The following ADAM22 variants were observed in gnomAD, a reference collection of about 807,000 sequenced individuals.
The protein encoded by ADAM22 is disintegrin and metalloproteinase domain-containing protein 22.
A neutral mutation model predicts 144.6 loss-of-function variants in ADAM22; 65 were observed. The observed-to-expected ratio is 0.45, with a 90% CI of 0.37 to 0.55. The LOEUF is 0.55. Ranked by LOEUF, ADAM22 falls within the 20% of genes least tolerant of loss-of-function variation. The pLI, the probability that ADAM22 is intolerant of heterozygous loss-of-function variation, is 0.00. For synonymous variants in ADAM22, 391 were observed against 412.6 expected (o/e 0.95, Z 0.63); for missense variants, 974 against 1,184.9 (o/e 0.82, Z 2.61).
At chr7:88,165,753 T>C in intron 23 of ADAM22, 79 bp from the exon 24 acceptor site, 1 of 944,908 alleles carries the variant, frequency 1.1e-6, no homozygotes, top group Non-Finnish European at 1.6e-6. Flanking sequence ...AAGCATATAA[T>C]AATAAGAAAT....
At chr7:88,164,986 T>C (rs942987640) in intron 23 of ADAM22, among the ~76,000 whole-genome samples, 2 of 152,100 alleles carry the variant, frequency 1.3e-5, no homozygotes, top group African/African-American at 4.8e-5. Context: ...GTAGCTCTGA[T>C]TGAGGCTGTG....
intron 5 of ADAM22, among the ~76,000 whole-genome samples, chr7:88,111,022 T>G: frequency 6.7e-6 from 1 of 150,046 alleles, no homozygotes; most frequent in Non-Finnish European, 1.5e-5. Context: ...ATTACAGGGT[T>G]ATTTTAATTA....
chr7:88,125,536 T>C (rs1336036147), intron 7 of ADAM22, 53 bp from the exon 8 acceptor site: 1 of 1,350,130 alleles, frequency 7.4e-7, no homozygotes, highest in African/African-American at 1.5e-5. Context: ...TTGCCCTGTA[T>C]TGAAGAAATC....
chr7:88,134,039 A>C (rs1333681752), intron 12 of ADAM22, among the ~76,000 whole-genome samples: 1 of 152,176 alleles, frequency 6.6e-6, no homozygotes, highest in Admixed American at 6.5e-5. Context: ...TGAATTTTTC[A>C]AGAATGTCAC....
In ADAM22 at chr7:88,117,007, G is replaced by A. The variant is rs368483693; in HGVS notation, c.607+193G>A. ...TCACAGATGAGTTTGGAAAGATGTG[G>A]AGGAAAACTTTAAAAAATTTTAAAA... On this transcript the variant is annotated intron_variant, in intron 7 of 31. Transcript: ENST00000413139. Among the ~76,000 whole-genome samples, 3 of 152,150 alleles carry A rather than the reference G, an allele frequency of 2.0e-5. No homozygotes were observed. The South Asian group carries it at 6.2e-4, about 32-fold the overall frequency.
At chr7:88,076,302 T>G (rs1288901852) in intron 4 of ADAM22, among the ~76,000 whole-genome samples, 1 of 152,146 alleles carries the variant, frequency 6.6e-6, no homozygotes, top group Non-Finnish European at 1.5e-5. Flanking sequence ...CCTCCCAAAG[T>G]GCTGGGATTA....
At chr7:88,173,290 T>C (rs1176998617) in intron 26 of ADAM22, among the ~76,000 whole-genome samples, 1 of 152,074 alleles carries the variant, frequency 6.6e-6, no homozygotes, top group Non-Finnish European at 1.5e-5. Flanking sequence ...ATTTCATTGA[T>C]CTGGCTACTC....
intron 3 of ADAM22, among the ~76,000 whole-genome samples, chr7:88,046,310 C>G (rs936357279): frequency 2.4e-4 from 37 of 152,260 alleles, no homozygotes; most frequent in African/African-American, 7.0e-4. Context: ...TTGCATTTCC[C>G]TGATTATTAA....
chr7:87,945,531 T>G (rs1376346391), intron 2 of ADAM22, among the ~76,000 whole-genome samples: 1 of 151,088 alleles, frequency 6.6e-6, no homozygotes, highest in Non-Finnish European at 1.5e-5. Flanking sequence ...TTTTTTTTTT[T>G]GAGATGGAGT....
chr7:87,944,329 T>C (rs1843063259), intron 2 of ADAM22, among the ~76,000 whole-genome samples: 1 of 152,204 alleles, frequency 6.6e-6, no homozygotes, highest in African/African-American at 2.4e-5. Context: ...AGCTTTTTTC[T>C]CTGTGTGGTT....
At chr7:88,189,068 T>C (rs1172985443) in intron 30 of ADAM22, among the ~76,000 whole-genome samples, 3 of 152,246 alleles carry the variant, frequency 2.0e-5, no homozygotes, top group Admixed American at 2.0e-4. Flanking sequence ...GTGGCCACAC[T>C]GCTAGAGAGA....
At chr7:88,037,645 A>C (rs908732072) in intron 3 of ADAM22, among the ~76,000 whole-genome samples, 1 of 151,574 alleles carries the variant, frequency 6.6e-6, no homozygotes, top group Admixed American at 6.6e-5. Context: ...AGCTTATTTC[A>C]TAACTGTATC....
At chr7:88,150,896 T>C (rs1838151948) in intron 18 of ADAM22, 85 bp from the exon 19 acceptor site, 1 of 1,187,012 alleles carries the variant, frequency 8.4e-7, no homozygotes. Context: ...AACAAATATG[T>C]TTTTAAAAGT....
intron 3 of ADAM22, among the ~76,000 whole-genome samples, chr7:88,006,530 A>G (rs1157194401): frequency 6.1e-4 from 93 of 151,990 alleles, no homozygotes; most frequent in African/African-American, 1.7e-3. Context: ...GAATCCAGCA[A>G]CACATCAAAA....
chr7:88,128,181 C>A (rs1830901326), intron 8 of ADAM22, among the ~76,000 whole-genome samples: 2 of 152,042 alleles, frequency 1.3e-5, no homozygotes, highest in Non-Finnish European at 2.9e-5. Context: ...GAATGCTCTT[C>A]ATATGTTACT....
intron 2 of ADAM22, among the ~76,000 whole-genome samples, chr7:87,965,602 C>T (rs1048851365): frequency 6.6e-6 from 1 of 152,162 alleles, no homozygotes; most frequent in Non-Finnish European, 1.5e-5. Flanking sequence ...ACATTATTTC[C>T]TATTTTTCTT....
intron 12 of ADAM22, among the ~76,000 whole-genome samples, chr7:88,133,800 G>A (rs995220579): frequency 5.3e-5 from 8 of 152,124 alleles, no homozygotes; most frequent in Admixed American, 2.0e-4. Flanking sequence ...TTTTTAAGAG[G>A]CTGCAAATTG....
chr7:88,030,595 T>C (rs1800005078), intron 3 of ADAM22, among the ~76,000 whole-genome samples: 1 of 152,122 alleles, frequency 6.6e-6, no homozygotes, highest in Admixed American at 6.6e-5. Context: ...ATTGTGTGGC[T>C]GGTTTCTAAT....
At chr7:87,964,293 A>G (rs557431988) in intron 2 of ADAM22, among the ~76,000 whole-genome samples, 5 of 152,334 alleles carry the variant, frequency 3.3e-5, no homozygotes, top group African/African-American at 1.2e-4. Context: ...TGTATAATGG[A>G]TAATGTGACT....
Sources: allele counts gnomAD v4.1 joint callset (sites outside exome capture counted in the v4.1 genomes callset), GRCh38; gene constraint gnomAD v4.1.1; transcripts MANE v1.5; gene names NCBI Gene and HGNC (gene_info 2026-07-23, HGNC 2026-07-21).